Variants in CRB1 observed in about 807,000 individuals in gnomAD.
CRB1 encodes the protein crumbs cell polarity complex component 1.
CRB1 carries 83 observed loss-of-function variants against 120.0 expected under a neutral mutation model. The observed-to-expected ratio is 0.69, with a 90% CI of 0.58 to 0.83. The LOEUF is 0.83. Ranked by LOEUF, CRB1 falls within the 40% of genes least tolerant of loss-of-function variation. The probability of loss-of-function intolerance (pLI) is 0.00; values close to 1 mark genes in which losing one functional copy is unlikely to be tolerated. For synonymous variants in CRB1, 625 were observed against 612.5 expected, an observed-to-expected ratio of 1.02 and a Z score of -0.30; for missense variants, 1,699 against 1,687.6, an observed-to-expected ratio of 1.01 and a Z score of -0.12.
intron 5 of CRB1, among the ~76,000 whole-genome samples, chr1:197,364,273 A>G (rs1156771138): frequency 2.0e-5 from 3 of 152,236 alleles, no homozygotes; most frequent in Non-Finnish European, 2.9e-5. Context: ...GCGTTGCCCT[A>G]TAGGTAATAG....
rs372423589 is a variant in CRB1 at position 197,396,269 on chromosome 1, T to C, written c.1172-24731T>C. 9.9e-5 allele frequency among the ~76,000 whole-genome samples: 15 copies of C among 152,226 alleles called. No individual in the cohort carries two copies. The East Asian group carries it at 2.7e-3, about 27-fold the overall frequency. On this transcript the variant is annotated intron_variant, in intron 5 of 11. Transcript: ENST00000367400. ...AAATAATTAGGTATACATTTAACAATAGTAGCAAGATTAGAATGCCAAAAA... is the reference window on the plus strand; with the variant it reads ...AAATAATTAGGTATACATTTAACAACAGTAGCAAGATTAGAATGCCAAAAA...
At chr1:197,356,513 A>G (rs1571896104) in intron 4 of CRB1, among the ~76,000 whole-genome samples, 2 of 152,346 alleles carry the variant, frequency 1.3e-5, no homozygotes, top group African/African-American at 4.8e-5. Flanking sequence ...TTCACAAATG[A>G]GTATTTGAAA....
chr1:197,314,392 CT>C (rs1480294641), intron 1 of CRB1, among the ~76,000 whole-genome samples: 3 of 152,112 alleles, frequency 2.0e-5, no homozygotes, highest in Non-Finnish European at 4.4e-5. Context: ...TTTCATTTCT[CT>C]GCAAAGTTTT....
At chr1:197,431,741 G>A (rs1019670174) in intron 8 of CRB1, among the ~76,000 whole-genome samples, 4 of 152,098 alleles carry the variant, frequency 2.6e-5, no homozygotes, top group African/African-American at 9.7e-5. Flanking sequence ...AGTAAGTCCA[G>A]CTCTGACACC....
chr1:197,213,909 C>T, the CRB1 span, among the ~76,000 whole-genome samples: 1 of 151,934 alleles, frequency 6.6e-6, no homozygotes, highest in African/African-American at 2.4e-5. Context: ...AACTTATAAA[C>T]ACCTACATTA....
chr1:197,303,361 C>A (rs920394894), intron 1 of CRB1, among the ~76,000 whole-genome samples: 3 of 144,902 alleles, frequency 2.1e-5, no homozygotes, highest in Non-Finnish European at 4.5e-5. Context: ...CAATTCCCAC[C>A]TATGAGTGAG....
At chr1:197,363,969 G>A in intron 5 of CRB1, 1 of 1,354,476 alleles carries the variant, frequency 7.4e-7, no homozygotes, top group South Asian at 1.2e-5. Flanking sequence ...CATGCGGCCG[G>A]CGACAGAGGG....
the CRB1 span, among the ~76,000 whole-genome samples, chr1:197,221,026 A>G: frequency 6.6e-6 from 1 of 152,222 alleles, no homozygotes; most frequent in Non-Finnish European, 1.5e-5. Context: ...GAAGAGATCT[A>G]CATGTCTTCT....
chr1:197,408,984 G>A (rs1663558804), intron 5 of CRB1, among the ~76,000 whole-genome samples: 1 of 152,128 alleles, frequency 6.6e-6, no homozygotes, highest in South Asian at 2.1e-4. Flanking sequence ...GAAATGCAAG[G>A]CTTTTTGCAG....
intron 1 of CRB1, among the ~76,000 whole-genome samples, chr1:197,289,542 C>T (rs1365644265): frequency 4.6e-5 from 7 of 151,716 alleles, no homozygotes; most frequent in African/African-American, 1.7e-4. Context: ...TGTGAAGTTT[C>T]ACAAACCTCG....
Position 197,427,455 on chromosome 1 carries a change from G to T in CRB1, c.2130G>T (p.Glu710Asp). 6.2e-7 allele frequency: 1 copy of T among 1,613,470 alleles called. No homozygotes were observed. The highest frequency in any genetic ancestry group is 8.5e-7 in the Non-Finnish European group (1 of 1,179,684). The change falls in exon 7 of 12, where the codon GAG becomes GAT. Residue 710 changes from glutamate to aspartate, a missense_variant and splice_region_variant. Coordinates refer to ENST00000367400, the MANE Select transcript of CRB1 (RefSeq NM_201253.3). ...TCCTCCTCTATTTTGACATTGAAGA[G>T]TATGTGGCAGGCAGATTTGGCCAGG... ...RPYEGPNCLR[E>D]YVAGRFGQDD...
intron 1 of CRB1, among the ~76,000 whole-genome samples, chr1:197,327,247 A>G (rs1027405632): frequency 1.1e-4 from 16 of 152,204 alleles, no homozygotes; most frequent in East Asian, 3.8e-4. Context: ...AGAAAAGTCA[A>G]TGAAAAGATT....
chr1:197,412,769 A>G (rs904967055), intron 5 of CRB1, among the ~76,000 whole-genome samples: 1 of 152,240 alleles, frequency 6.6e-6, no homozygotes, highest in Non-Finnish European at 1.5e-5. Context: ...CTGCACTCAC[A>G]TAGTGGCAGT....
At chr1:197,474,280 G>A (rs921059058) in intron 11 of CRB1, among the ~76,000 whole-genome samples, 1 of 152,180 alleles carries the variant, frequency 6.6e-6, no homozygotes, top group African/African-American at 2.4e-5. Context: ...CCTAAGAGGT[G>A]AAATAACTTG....
Position 197,421,552 on chromosome 1 carries a change from C to T in CRB1, c.1724C>T (p.Ala575Val), listed in dbSNP as rs1379266446. Reference protein sequence around the residue: ...GEWHFVEVIFAEAVTLTLIDD... With the variant: ...GEWHFVEVIFVEAVTLTLIDD... ...TGGCATTTCGTGGAGGTAATATTTG[C>T]AGAGGCTGTGACCCTTACCTTAATC... The change falls in exon 6 of 12, where the codon GCA becomes GTA. Residue 575 changes from alanine to valine, a missense_variant. Coordinates refer to ENST00000367400, the MANE Select transcript of CRB1 (RefSeq NM_201253.3). 6.2e-7 allele frequency: 1 copy of T among 1,614,202 alleles called. No individual in the cohort carries two copies.
Position 197,340,831 on chromosome 1 carries a change from T to C in CRB1, c.653-3450T>C, listed in dbSNP as rs138696065. Among the ~76,000 whole-genome samples, 359 of 152,220 alleles carry C rather than the reference T, an allele frequency of 2.4e-3. 1 individual carries two copies. Among genetic ancestry groups the C allele is most frequent in the African/African-American group, 8.3e-3 (344 of 41,532 alleles). ...TGGAATTGTGGAATGATGCCTGTATTAGTCCATTTTCACTCTGCTAATAAA... is the reference window on the plus strand; with the variant it reads ...TGGAATTGTGGAATGATGCCTGTATCAGTCCATTTTCACTCTGCTAATAAA... On this transcript the variant is annotated intron_variant, in intron 2 of 11. Coordinates refer to ENST00000367400, the MANE Select transcript of CRB1 (RefSeq NM_201253.3).
At chr1:197,222,084 A>T in the CRB1 span, 1 of 209,548 alleles carries the variant, frequency 4.8e-6, no homozygotes, top group African/African-American at 2.3e-5. Context: ...TAAAAAATAT[A>T]TTCCTTTAGG....
chr1:197,225,702 C>A, the CRB1 span, among the ~76,000 whole-genome samples: 35 of 152,304 alleles, frequency 2.3e-4, no homozygotes, highest in African/African-American at 8.4e-4. Context: ...TGGAGCTTAA[C>A]AGCCATTTTG....
chr1:197,240,953 G>A, the CRB1 span, among the ~76,000 whole-genome samples: 1 of 152,150 alleles, frequency 6.6e-6, no homozygotes, highest in Admixed American at 6.5e-5. Context: ...AATGACCATT[G>A]ATGATGAACT....
Sources: allele counts gnomAD v4.1 joint callset (sites outside exome capture counted in the v4.1 genomes callset), GRCh38; gene constraint gnomAD v4.1.1; transcripts MANE v1.5; gene names NCBI Gene and HGNC (gene_info 2026-07-23, HGNC 2026-07-21).